The following P2RY14 variants were observed in gnomAD, a reference collection of about 807,000 sequenced individuals.
P2RY14 encodes the protein purinergic receptor P2Y14, also known as P2Y purinoceptor 14.
P2RY14 carries 2 observed loss-of-function variants against 0.9 expected under a neutral mutation model. The observed-to-expected ratio is 2.16, with a 90% CI of 0.88 to 6.79. The LOEUF (loss-of-function observed/expected upper bound fraction) is 6.79, where lower values mean the gene tolerates loss of function less well. P2RY14 is among the 30% of genes most tolerant of loss of function. The pLI is 0.05. For synonymous variants in P2RY14, 158 were observed against 147.2 expected, an observed-to-expected ratio of 1.07 and a Z score of -0.53; for missense variants, 378 against 400.1, an observed-to-expected ratio of 0.94 and a Z score of 0.47.
chr3:151,232,626 A>G (rs999584841), intron 1 of P2RY14, among the ~76,000 whole-genome samples: 11 of 152,342 alleles, frequency 7.2e-5, no homozygotes, highest in South Asian at 2.1e-4. Context: ...GAATGAGATC[A>G]TGTCTTGTGG....
chr3:151,214,983 C>T (rs947945255), intron 2 of P2RY14, among the ~76,000 whole-genome samples: 2 of 151,930 alleles, frequency 1.3e-5, no homozygotes, highest in African/African-American at 2.4e-5. Context: ...GCTATTCAGA[C>T]GGACCTTACT....
At chr3:151,221,870 C>T (rs1490923888) in intron 1 of P2RY14, among the ~76,000 whole-genome samples, 1 of 152,182 alleles carries the variant, frequency 6.6e-6, no homozygotes. Context: ...GGCCAACATC[C>T]TCCACACTCC....
intron 1 of P2RY14, among the ~76,000 whole-genome samples, chr3:151,263,132 G>A (rs538292830): frequency 6.5e-4 from 99 of 152,104 alleles, no homozygotes; most frequent in Non-Finnish European, 4.4e-4. Flanking sequence ...GGGCGAAGTG[G>A]GTGCAGAGAT....
chr3:151,244,915 A>C (rs1319708321), intron 1 of P2RY14, among the ~76,000 whole-genome samples: 1 of 152,186 alleles, frequency 6.6e-6, no homozygotes, highest in Non-Finnish European at 1.5e-5. Flanking sequence ...TAATAGACCC[A>C]ATAAAAAATG....
intron 1 of P2RY14, among the ~76,000 whole-genome samples, chr3:151,271,971 A>G (rs777385196): frequency 6.6e-6 from 1 of 152,208 alleles, no homozygotes; most frequent in Non-Finnish European, 1.5e-5. Flanking sequence ...TTAAAATCTA[A>G]TTTTCATTTA....
In P2RY14 at chr3:151,213,738, G is replaced by A. The variant is rs763303276; in HGVS notation, c.579C>T (p.Ala193=). The part of the protein sequence containing the change: ...WHKASNYIFV[A]IFWIVFLLLI... ...ACAAAAGAAACACAATCCAGAAGAT[G>A]GCCACGAAGATGTAGTTTGATGCTT... Residue 193 remains alanine, a synonymous_variant, in exon 3 of 3, where the codon GCC becomes GCT. Coordinates refer to ENST00000309170, the MANE Select transcript of P2RY14 (RefSeq NM_014879.4). The A allele has an allele frequency of 6.2e-7, 1 of 1,614,132 alleles. No homozygotes were observed. Among genetic ancestry groups the A allele is most frequent in the South Asian group, 1.1e-5 (1 of 91,078 alleles).
At chr3:151,222,440 G>A (rs1159084169) in intron 1 of P2RY14, among the ~76,000 whole-genome samples, 1 of 152,204 alleles carries the variant, frequency 6.6e-6, no homozygotes, top group Admixed American at 6.5e-5. Context: ...ATTTCCATGT[G>A]TTGTGGGAGG....
At chr3:151,265,726 T>C (rs568733492) in intron 1 of P2RY14, among the ~76,000 whole-genome samples, 2 of 152,330 alleles carry the variant, frequency 1.3e-5, no homozygotes, top group South Asian at 4.1e-4. Context: ...AGACGGATGG[T>C]GTCCCCATCT....
At chr3:151,259,843 A>G (rs989399427) in intron 1 of P2RY14, among the ~76,000 whole-genome samples, 10 of 152,112 alleles carry the variant, frequency 6.6e-5, no homozygotes, top group African/African-American at 1.7e-4. Flanking sequence ...TGTTTATTCT[A>G]TTTTAAAGCT....
At chr3:151,246,825 G>A (rs1735632314) in intron 1 of P2RY14, among the ~76,000 whole-genome samples, 1 of 152,170 alleles carries the variant, frequency 6.6e-6, no homozygotes, top group Admixed American at 6.6e-5. Flanking sequence ...CCATCAGAGT[G>A]AACAGGCAGC....
intron 1 of P2RY14, among the ~76,000 whole-genome samples, chr3:151,249,723 A>G (rs1359814779): frequency 6.6e-6 from 1 of 152,114 alleles, no homozygotes; most frequent in Non-Finnish European, 1.5e-5. Flanking sequence ...ATCTGGTTTC[A>G]CAACATTCTG....
chr3:151,228,826 A>T (rs1006454644), intron 1 of P2RY14, among the ~76,000 whole-genome samples: 2 of 152,050 alleles, frequency 1.3e-5, no homozygotes, highest in African/African-American at 2.4e-5. Flanking sequence ...GAATTACTGA[A>T]TTTTTTCCAG....
At chr3:151,247,148 C>CTT (rs1190871929) in intron 1 of P2RY14, among the ~76,000 whole-genome samples, 1 of 152,090 alleles carries the variant, frequency 6.6e-6, no homozygotes, top group Non-Finnish European at 1.5e-5. Context: ...AATAGGAACA[C>CTT]TTTTACACTG....
At chr3:151,235,654 A>G (rs974946250) in intron 1 of P2RY14, among the ~76,000 whole-genome samples, 1 of 152,022 alleles carries the variant, frequency 6.6e-6, no homozygotes, top group African/African-American at 2.4e-5. Context: ...AGGTCGCGCC[A>G]CTGCACTCCA....
At chr3:151,241,071 G>A (rs1733977790) in intron 1 of P2RY14, among the ~76,000 whole-genome samples, 4 of 152,164 alleles carry the variant, frequency 2.6e-5, no homozygotes, top group African/African-American at 2.4e-5. Context: ...CTATACTCAT[G>A]GGAGTTTAGT....
rs150920727 is a variant in P2RY14, at chr3:151,273,845, A to G, written c.-133+4442T>C. Among the ~76,000 whole-genome samples the G allele has an allele frequency of 5.4e-4, 82 of 152,296 alleles. 1 individual carries two copies. The Middle Eastern group carries it at 0.01, about 19-fold the overall frequency. On this transcript the variant is annotated intron_variant, in intron 1 of 2. Coordinates refer to ENST00000309170, the MANE Select transcript of P2RY14 (RefSeq NM_014879.4). ...ATTTAAATAAAACTTGGTGATGCAG[A>G]CTGTTGTTTTCAAATCATATTTAAG...
At chr3:151,246,326 CA>C (rs1310088414) in intron 1 of P2RY14, among the ~76,000 whole-genome samples, 1 of 151,950 alleles carries the variant, frequency 6.6e-6, no homozygotes, top group Admixed American at 6.6e-5. Context: ...AATCCTAAGC[CA>C]AAAGAACAAA....
intron 1 of P2RY14, among the ~76,000 whole-genome samples, chr3:151,248,465 G>C (rs1007262568): frequency 1.3e-5 from 2 of 151,920 alleles, no homozygotes; most frequent in African/African-American, 2.4e-5. Flanking sequence ...CAGTATATTC[G>C]TTCTTTATTG....
At chr3:151,214,825 G>A (rs986310030) in intron 2 of P2RY14, among the ~76,000 whole-genome samples, 21 of 152,110 alleles carry the variant, frequency 1.4e-4, no homozygotes, top group African/African-American at 5.1e-4. Flanking sequence ...GGTAGTAACT[G>A]TAAAAGCAGA....
Sources: allele counts gnomAD v4.1 joint callset (sites outside exome capture counted in the v4.1 genomes callset), GRCh38; gene constraint gnomAD v4.1.1; transcripts MANE v1.5; gene names NCBI Gene and HGNC (gene_info 2026-07-23, HGNC 2026-07-21).